The following CDC5L variants were observed in gnomAD, a reference collection of about 807,000 sequenced individuals.
CDC5L encodes the protein cell division cycle 5-like protein.
In CDC5L, 18 loss-of-function variants were observed where a neutral mutation model predicts 104.1. The ratio of observed to expected loss-of-function variants is 0.17; its 90% CI spans 0.12 to 0.26. The LOEUF (loss-of-function observed/expected upper bound fraction) is 0.26. Among genes scored for constraint, CDC5L ranks in the 10% least tolerant of loss-of-function variants. CDC5L has a pLI of 1.00. For synonymous variants in CDC5L, 331 were observed against 322.7 expected, an observed-to-expected ratio of 1.03 and a Z score of -0.28; for missense variants, 673 against 956.9, an observed-to-expected ratio of 0.70 and a Z score of 3.91.
intron 5 of CDC5L, 83 bp from the exon 6 acceptor site, chr6:44,403,722 AATAG>A: frequency 2.2e-6 from 2 of 909,282 alleles, no homozygotes; most frequent in Non-Finnish European, 3.3e-6. Flanking sequence ...TCCCCAAATA[AATAG>A]ATACTTTTTT....
At chr6:44,399,184 C>A (rs1791005545) in intron 5 of CDC5L, among the ~76,000 whole-genome samples, 1 of 152,178 alleles carries the variant, frequency 6.6e-6, no homozygotes, top group Non-Finnish European at 1.5e-5. Flanking sequence ...AACTCCTGAC[C>A]TCAAGCTATC....
At chr6:44,427,197 A>G (rs961236837) in intron 13 of CDC5L, among the ~76,000 whole-genome samples, 1 of 151,850 alleles carries the variant, frequency 6.6e-6, no homozygotes, top group Non-Finnish European at 1.5e-5. Context: ...ATTTCCCCCT[A>G]CTCTTTTGGA....
chr6:44,418,078 T>G (rs1791984608), intron 8 of CDC5L, among the ~76,000 whole-genome samples: 1 of 152,164 alleles, frequency 6.6e-6, no homozygotes, highest in Admixed American at 6.6e-5. Context: ...ATGTGCCATG[T>G]TGCTGTGCTG....
At chr6:44,407,468 A>T (rs1015133086) in intron 7 of CDC5L, among the ~76,000 whole-genome samples, 5 of 152,054 alleles carry the variant, frequency 3.3e-5, no homozygotes, top group African/African-American at 1.2e-4. Flanking sequence ...CTGGAACTGT[A>T]GGCGTGCGCC....
At chr6:44,415,592 C>T (rs989289952) in intron 8 of CDC5L, among the ~76,000 whole-genome samples, 4 of 152,008 alleles carry the variant, frequency 2.6e-5, no homozygotes, top group African/African-American at 7.2e-5. Flanking sequence ...CAGGTACAGT[C>T]GCTGCAGGGC....
rs1487997879 is a variant in CDC5L, at chr6:44,426,175, C to T, written c.1642C>T (p.Pro548Ser). 1 of 1,601,642 alleles carries T rather than the reference C, an allele frequency of 6.2e-7. No individual in the cohort carries two copies. The highest frequency in any genetic ancestry group is 8.5e-7 in the Non-Finnish European group (1 of 1,171,254). ...HKAVQKDLPR[P>S]SEVNETILRP... ...AGCTGTCCAGAAAGATCTGCCAAGACCATCAGAAGTAAGTGTTAGAATTTC... is the reference window on the plus strand; with the variant it reads ...AGCTGTCCAGAAAGATCTGCCAAGATCATCAGAAGTAAGTGTTAGAATTTC... The change falls in exon 12 of 16, where the codon CCA (proline) becomes TCA (serine). Residue 548 changes from proline (P) to serine (S), a missense_variant. Pro to Ser is a moderately conservative substitution (Grantham distance 74). Around this residue, in one of 4 missense-constraint regions of CDC5L, gnomAD observed 578 missense variants for 737.0 expected, o/e 0.78. Coordinates refer to ENST00000371477, the MANE Select transcript of CDC5L (RefSeq NM_001253.4).
At chr6:44,443,760 G>A (rs1793319678) in intron 14 of CDC5L, among the ~76,000 whole-genome samples, 1 of 150,972 alleles carries the variant, frequency 6.6e-6, no homozygotes, top group African/African-American at 2.4e-5. Context: ...ACCTCGGTGA[G>A]CATCTTTGTG....
chr6:44,441,379 T>C (rs879704156), intron 14 of CDC5L, among the ~76,000 whole-genome samples: 16 of 152,246 alleles, frequency 1.1e-4, no homozygotes, highest in Non-Finnish European at 2.1e-4. Context: ...ATTTTAAAAA[T>C]CCGTGTCTTG....
At chr6:44,407,426 A>G (rs1007565128) in intron 7 of CDC5L, among the ~76,000 whole-genome samples, 11 of 151,610 alleles carry the variant, frequency 7.3e-5, no homozygotes, top group African/African-American at 2.2e-4. Flanking sequence ...TTCCGCGTTC[A>G]AGCGATTCTC....
At chr6:44,391,119 CAT>C (rs1466913315) in intron 2 of CDC5L, among the ~76,000 whole-genome samples, 17 of 139,684 alleles carry the variant, frequency 1.2e-4, no homozygotes, top group Admixed American at 2.1e-4. Flanking sequence ...ATATATTAAA[CAT>C]ATTTAATATG....
intron 10 of CDC5L, among the ~76,000 whole-genome samples, chr6:44,423,537 A>G (rs578011355): frequency 9.2e-5 from 14 of 152,306 alleles, no homozygotes; most frequent in African/African-American, 3.4e-4. Flanking sequence ...GAATAGTCAC[A>G]TTTGTTGGGT....
Position 44,408,473 on chromosome 6 carries a change from A to G in CDC5L, c.933A>G (p.Val311=). Residue 311 remains valine, a synonymous_variant, in exon 8 of 16, where the codon GTA becomes GTG. Coordinates refer to ENST00000371477, the MANE Select transcript of CDC5L (RefSeq NM_001253.4). ...QISDAELQEV[V]KVGQASEIAR... is the part of the protein sequence containing the mutation. ...CAGATGCAGAACTCCAGGAAGTTGT[A>G]AAAGTAGGCCAAGCGAGTGAAATTG... 1 of 1,613,218 alleles carries G rather than the reference A, an allele frequency of 6.2e-7. No homozygotes were observed. Among genetic ancestry groups the G allele is most frequent in the Non-Finnish European group, 8.5e-7 (1 of 1,179,476 alleles).
At position 44,426,026 on chromosome 6, in the gene CDC5L, C is replaced by A. The variant is rs543757443; in HGVS notation, c.1570-77C>A. 4.2e-6 allele frequency: 4 copies of A among 962,498 alleles called. No homozygotes were observed. In the Admixed American group the frequency reaches 6.5e-5, roughly 16 times the overall value. 59.6% of individuals were successfully genotyped at this position (962,498 alleles called of 1,614,324 possible). On this transcript the variant is annotated intron_variant, in intron 11 of 15. Transcript: ENST00000371477. ...TATTGAACACACATGATCTTACATA[C>A]CAAAGTGTTTTTAGCTTTACTGAGA...
chr6:44,422,629 G>T lies in CDC5L; in HGVS notation c.1242-18G>T. 1 of 1,511,354 alleles carries T rather than the reference G, an allele frequency of 6.6e-7. No individual in the cohort carries two copies. The highest frequency in any genetic ancestry group is 8.9e-7 in the Non-Finnish European group (1 of 1,126,486). The allele number at this position is 1,511,354 out of a possible 1,614,324, so 93.6% of individuals were successfully genotyped here. On this transcript the variant is annotated intron_variant, in intron 9 of 15. Transcript: ENST00000371477. ...ATGTAAGTGGCACTTCTGTTAATTG[G>T]GATTCCTGTCTTTCTAGGACTCCTT...
At chr6:44,389,010 C>T (rs1790480030) in intron 1 of CDC5L, among the ~76,000 whole-genome samples, 1 of 152,044 alleles carries the variant, frequency 6.6e-6, no homozygotes, top group Non-Finnish European at 1.5e-5. Flanking sequence ...ACATAGTAGC[C>T]TCTGAGTAAG....
intron 9 of CDC5L, among the ~76,000 whole-genome samples, chr6:44,420,375 TG>T (rs1325108228): frequency 6.6e-6 from 1 of 151,772 alleles, no homozygotes; most frequent in Non-Finnish European, 1.5e-5. Context: ...TTTTTTTTTT[TG>T]AGACGGACTT....
Position 44,406,318 on chromosome 6 carries a change from G to T in CDC5L, c.759-5G>T. 6.3e-7 allele frequency: 1 copy of T among 1,595,692 alleles called. No individual in the cohort carries two copies. The highest frequency in any genetic ancestry group is 1.1e-5 in the South Asian group (1 of 88,128). On this transcript the variant is annotated splice_polypyrimidine_tract_variant and splice_region_variant and intron_variant, in intron 6 of 15. Coordinates refer to ENST00000371477, the MANE Select transcript of CDC5L (RefSeq NM_001253.4). ...AAATCTCTTTTCTACTTTGATCCATGACAGTGAAAAAGAAGGAAGAGATAG... is the reference window on the plus strand; with the variant it reads ...AAATCTCTTTTCTACTTTGATCCATTACAGTGAAAAAGAAGGAAGAGATAG...
chr6:44,390,180 C>T (rs1199630101), intron 1 of CDC5L, 88 bp from the exon 2 acceptor site: 5 of 769,132 alleles, frequency 6.5e-6, no homozygotes, highest in Non-Finnish European at 1.1e-5. Flanking sequence ...GTCTCTTTCT[C>T]CAATAGCCCT....
intron 10 of CDC5L, among the ~76,000 whole-genome samples, chr6:44,423,111 T>C (rs1029335725): frequency 2.6e-5 from 4 of 152,182 alleles, no homozygotes; most frequent in African/African-American, 9.6e-5. Flanking sequence ...CTTCTGCCCG[T>C]GTTACTGCGT....
Sources: allele counts gnomAD v4.1 joint callset (sites outside exome capture counted in the v4.1 genomes callset), GRCh38; gene constraint gnomAD v4.1.1; regional missense constraint gnomAD v4.1.1; transcripts MANE v1.5; gene names NCBI Gene and HGNC (gene_info 2026-07-23, HGNC 2026-07-21).